PTPN3: variants seen among roughly 807,000 people sequenced by gnomAD.
PTPN3 encodes the protein tyrosine-protein phosphatase non-receptor type 3.
In PTPN3, 96 loss-of-function variants were observed where a neutral mutation model predicts 132.7. The observed-to-expected ratio is 0.72, with a 90% confidence interval of 0.61 to 0.86. The LOEUF (loss-of-function observed/expected upper bound fraction) is 0.86. PTPN3 is among the 40% of genes least tolerant of loss of function. PTPN3 has a pLI of 0.00. For missense variants in PTPN3, 1,125 were observed against 1,159.6 expected (o/e 0.97, Z 0.43); for synonymous variants, 398 against 429.0 (o/e 0.93, Z 0.89).
chr9:109,441,237 G>A (rs1041915990), intron 7 of PTPN3, among the ~76,000 whole-genome samples: 2 of 152,158 alleles, frequency 1.3e-5, no homozygotes, highest in Non-Finnish European at 2.9e-5. Context: ...TGCTTATGTG[G>A]GAAATACCTT....
chr9:109,428,923 A>T (rs891738078), intron 10 of PTPN3: 1 of 985,422 alleles, frequency 1.0e-6, no homozygotes, highest in Non-Finnish European at 1.2e-6. Flanking sequence ...CTTTTAAATA[A>T]CAAGAAACAT....
upstream of PTPN3, among the ~76,000 whole-genome samples, chr9:109,501,812 C>T (rs1248084020): frequency 6.6e-6 from 1 of 152,204 alleles, no homozygotes; most frequent in Non-Finnish European, 1.5e-5. Context: ...AGGATCACAA[C>T]ATGATGGAAC....
Position 109,457,285 on chromosome 9 carries a change from CACTT to C in PTPN3, c.246+3_246+6del. On this transcript the variant is annotated splice_donor_5th_base_variant and intron_variant, in intron 3 of 25. Transcript: ENST00000374541. ...AGTTCAGCACATTTTTTAAAAATGG[CACTT>C]ACAGGAGAGTCCACGGAGTCGTCAT... 1 of 1,612,578 alleles carries C rather than the reference CACTT, an allele frequency of 6.2e-7. No homozygotes were observed. Among genetic ancestry groups the C allele is most frequent in the Non-Finnish European group, 8.5e-7 (1 of 1,178,910 alleles).
rs1274057355 is a variant in PTPN3 at position 109,383,165 on chromosome 9, T to G, written c.2382+258A>C. Reference sequence around the variant, plus strand: ...CTTCCTTTTAAAGGCTGAATCATATTCCATTGTATGGACAGACCACGTGCT... The same window carrying G: ...CTTCCTTTTAAAGGCTGAATCATATGCCATTGTATGGACAGACCACGTGCT... On this transcript the variant is annotated intron_variant, in intron 23 of 25. Coordinates refer to ENST00000374541, the MANE Select transcript of PTPN3 (RefSeq NM_002829.4). 6 of 539,348 alleles carry G rather than the reference T, an allele frequency of 1.1e-5. No individual in the cohort carries two copies. The Admixed American group carries it at 1.9e-4, about 17-fold the overall frequency. 33.4% of individuals were successfully genotyped at this position (539,348 alleles called of 1,614,324 possible).
intron 1 of PTPN3, among the ~76,000 whole-genome samples, chr9:109,469,953 T>C (rs1272637484): frequency 6.6e-6 from 1 of 152,138 alleles, no homozygotes; most frequent in East Asian, 1.9e-4. Flanking sequence ...TCAAAAATCC[T>C]TTTTGCAGTA....
At chr9:109,471,430 T>C (rs1846374037) in intron 1 of PTPN3, among the ~76,000 whole-genome samples, 1 of 152,166 alleles carries the variant, frequency 6.6e-6, no homozygotes, top group Non-Finnish European at 1.5e-5. Context: ...TCTGAACCAC[T>C]TGCTGCAGAG....
chr9:109,425,733 CT>C (rs1843216250), intron 12 of PTPN3, among the ~76,000 whole-genome samples: 2 of 151,802 alleles, frequency 1.3e-5, no homozygotes, highest in Non-Finnish European at 2.9e-5. Flanking sequence ...AGAGAATAGG[CT>C]GGGCACGGTG....
chr9:109,507,725 C>T, the PTPN3 span, among the ~76,000 whole-genome samples: 1 of 152,312 alleles, frequency 6.6e-6, no homozygotes, highest in East Asian at 1.9e-4. Flanking sequence ...ATAAGGGGTG[C>T]AGATTGATAA....
chr9:109,405,204 G>A lies in PTPN3; in HGVS notation c.1793-596C>T, dbSNP rs1178300737. Among the ~76,000 whole-genome samples, 9 of 152,158 alleles carry A rather than the reference G, an allele frequency of 5.9e-5. No homozygotes were observed. The East Asian group carries it at 1.7e-3, about 29-fold the overall frequency. On this transcript the variant is annotated intron_variant, in intron 18 of 25. Transcript: ENST00000374541. ...CATGTTAAATTCAATACAGGTGAAA[G>A]CAAAGCTAGGACCACCCCCCCACAA...
chr9:109,442,106 G>A (rs1189596592), intron 7 of PTPN3, among the ~76,000 whole-genome samples: 1 of 151,864 alleles, frequency 6.6e-6, no homozygotes, highest in Non-Finnish European at 1.5e-5. Context: ...GGAGCACAGT[G>A]GTGCAATTAT....
chr9:109,406,689 C>T, intron 17 of PTPN3, 71 bp from the exon 18 acceptor site: 5 of 1,572,916 alleles, frequency 3.2e-6, no homozygotes, highest in Non-Finnish European at 4.3e-6. Flanking sequence ...CGCTGACTCG[C>T]TCTGCTCCCA....
rs1379837704 is a variant in PTPN3 at position 109,448,884 on chromosome 9, T to C, written c.369-29A>G. On this transcript the variant is annotated intron_variant, in intron 5 of 25. Transcript: ENST00000374541. ...TGAAACAATTGTTTTCATTAATTCATACTCAAACTGAAATAAGCAAAAAAA... is the reference window on the plus strand; with the variant it reads ...TGAAACAATTGTTTTCATTAATTCACACTCAAACTGAAATAAGCAAAAAAA... The C allele has an allele frequency of 9.8e-6, 15 of 1,529,796 alleles. No individual in the cohort carries two copies. The Admixed American group carries it at 1.6e-4, about 17-fold the overall frequency. The allele number at this position is 1,529,796 out of a possible 1,614,324, so 94.8% of individuals were successfully genotyped here.
chr9:109,409,900 T>C, intron 16 of PTPN3, 99 bp downstream of exon 16: 1 of 1,500,536 alleles, frequency 6.7e-7, no homozygotes, highest in East Asian at 2.5e-5. Flanking sequence ...CCAACTTCCT[T>C]ATGTAGCTCA....
chr9:109,379,767 C>T (rs1838871785), intron 25 of PTPN3, 134 bp from the exon 26 acceptor site: 2 of 730,134 alleles, frequency 2.7e-6, no homozygotes, highest in Non-Finnish European at 4.7e-6. Flanking sequence ...GCCAGGTACA[C>T]CTGTGAAGCC....
chr9:109,517,466 C>T, the PTPN3 span, among the ~76,000 whole-genome samples: 4 of 152,206 alleles, frequency 2.6e-5, no homozygotes, highest in Non-Finnish European at 4.4e-5. Flanking sequence ...ACGGTACCCA[C>T]TGCTATACCG....
At chr9:109,463,183 T>C in intron 2 of PTPN3, 114 bp downstream of exon 2, 3 of 1,134,842 alleles carry the variant, frequency 2.6e-6, no homozygotes, top group Non-Finnish European at 3.6e-6. Context: ...AGATCTGAGA[T>C]CTCAAGCTTT....
chr9:109,388,355 A>G (rs1839776254), intron 22 of PTPN3, among the ~76,000 whole-genome samples: 1 of 152,196 alleles, frequency 6.6e-6, no homozygotes, highest in South Asian at 2.1e-4. Flanking sequence ...GTTAAGTTCC[A>G]GGGCCAGAGA....
chr9:109,406,451 G>A lies in PTPN3; in HGVS notation c.1792+11C>T. 1 of 1,611,716 alleles carries A rather than the reference G, an allele frequency of 6.2e-7. No homozygotes were observed. The highest frequency in any genetic ancestry group is 2.2e-5 in the East Asian group (1 of 44,800). Reference sequence around the variant, plus strand: ...GCTTCCCTATGGCTCCTCCCCCCAGGTGGCCATTACCTCTCCTCCTGATCA... The same window carrying A: ...GCTTCCCTATGGCTCCTCCCCCCAGATGGCCATTACCTCTCCTCCTGATCA... On this transcript the variant is annotated intron_variant, in intron 18 of 25. Coordinates refer to ENST00000374541, the MANE Select transcript of PTPN3 (RefSeq NM_002829.4).
chr9:109,445,337 C>T lies in PTPN3; in HGVS notation c.414-45G>A, dbSNP rs748292254. ...TTAGCAAAGTCACAAGAACCAACAA[C>T]AGCCTTAAACATTGACAGATCATGC... On this transcript the variant is annotated intron_variant, in intron 6 of 25. Coordinates refer to ENST00000374541, the MANE Select transcript of PTPN3 (RefSeq NM_002829.4). 9 of 1,508,940 alleles carry T rather than the reference C, an allele frequency of 6.0e-6. No homozygotes were observed. In the African/African-American group the frequency reaches 9.6e-5, roughly 16 times the overall value. 93.5% of individuals were successfully genotyped at this position (1,508,940 alleles called of 1,614,324 possible).
Sources: gnomAD v4.1 joint callset for allele counts (sites outside exome capture counted in the v4.1 genomes callset) on GRCh38, gnomAD v4.1.1 for gene constraint, MANE v1.5 for transcripts, NCBI Gene and HGNC (gene_info 2026-07-23, HGNC 2026-07-21) for gene names.